Variants in ZBTB8A observed in about 807,000 individuals in gnomAD.
ZBTB8A encodes zinc finger and BTB domain containing 8A, also known as zinc finger and BTB domain-containing protein 8A.
A neutral mutation model predicts 37.8 loss-of-function variants in ZBTB8A; 19 were observed. That is an observed-to-expected ratio of 0.50 (90% CI 0.35 to 0.74). ZBTB8A has a LOEUF of 0.74. Among genes scored for constraint, ZBTB8A ranks in the 30% least tolerant of loss-of-function variants. The pLI, the probability that ZBTB8A is intolerant of heterozygous loss-of-function variation, is 0.01. For missense variants in ZBTB8A, 394 were observed against 537.8 expected (o/e 0.73, Z 2.65); for synonymous variants, 181 against 185.2 (o/e 0.98, Z 0.19).
chr1:32,552,877 ATTAATGATT>A (rs1219079616), intron 1 of ZBTB8A, among the ~76,000 whole-genome samples: 1 of 148,722 alleles, frequency 6.7e-6, no homozygotes, highest in Non-Finnish European at 1.5e-5. Flanking sequence ...TATTAATAAT[ATTAATGATT>A]TATTTATATT....
intron 2 of ZBTB8A, among the ~76,000 whole-genome samples, chr1:32,561,051 G>A (rs954682289): frequency 6.6e-6 from 1 of 151,836 alleles, no homozygotes; most frequent in Admixed American, 6.6e-5. Context: ...TCTCTCCTTT[G>A]CATAGAACCC....
rs751401974 is a variant in ZBTB8A at position 32,600,341 on chromosome 1, G to A, written c.1248G>A (p.Gly416=). The A allele has an allele frequency of 6.2e-7, 1 of 1,614,138 alleles. No homozygotes were observed. Among genetic ancestry groups the A allele is most frequent in the East Asian group, 2.2e-5 (1 of 44,882 alleles). Residue 416 remains glycine, a synonymous_variant, in exon 5 of 5, where the codon GGG becomes GGA. Coordinates refer to ENST00000373510, the MANE Select transcript of ZBTB8A (RefSeq NM_001040441.3). Reference sequence around the variant, plus strand: ...CCTATGTGGAGATTGTAGAAGATGGGTCTGCTGATCTGGTCATCCAACAGG... The same window carrying A: ...CCTATGTGGAGATTGTAGAAGATGGATCTGCTGATCTGGTCATCCAACAGG... ...NRSYVEIVED[G]SADLVIQQVD... is the part of the protein sequence containing the mutation.
chr1:32,567,814 A>AAAAAC lies in ZBTB8A; in HGVS notation c.-2+14278_-2+14279insCAAAA, dbSNP rs1557707663. 2.0e-4 allele frequency among the ~76,000 whole-genome samples: 6 copies of AAAAAC among 30,496 alleles called. 1 individual carries two copies. The highest frequency in any genetic ancestry group is 1.1e-3 in the East Asian group (1 of 950). 20.0% of individuals were successfully genotyped at this position (30,496 alleles called of 152,430 possible). A position where few individuals can be genotyped will look rare whatever the true frequency, so the allele number is the denominator to read the frequency against. On this transcript the variant is annotated intron_variant, in intron 2 of 4. Transcript: ENST00000373510. ...CTCAAAAAAAAAAAAAAAAAAAAAA[A>AAAAAC]AAAAAAAAACAAAAACAAAACAAAA...
At chr1:32,550,172 A>G (rs1644140363) in intron 1 of ZBTB8A, among the ~76,000 whole-genome samples, 2 of 152,006 alleles carry the variant, frequency 1.3e-5, no homozygotes, top group South Asian at 4.2e-4. Context: ...AGCCTGGGCA[A>G]TATATCGAGA....
Position 32,600,092 on chromosome 1 carries a change from C to T in ZBTB8A, c.999C>T (p.His333=), listed in dbSNP as rs1644564132. 2 of 1,610,704 alleles carry T rather than the reference C, an allele frequency of 1.2e-6. No individual in the cohort carries two copies. The highest frequency in any genetic ancestry group is 1.3e-5 in the African/African-American group (1 of 74,958). The change falls in exon 5 of 5, where the codon CAC becomes CAT. Residue 333 remains histidine, a synonymous_variant. Transcript: ENST00000373510. ...DHLSSHFRTI[H]QACKLICRKC... ...CTATTTAAATCTCTACACAGATTCA[C>T]CAGGCATGTAAACTCATCTGCAGAA...
At chr1:32,545,605 C>T (rs2148212023) in intron 1 of ZBTB8A, among the ~76,000 whole-genome samples, 1 of 152,262 alleles carries the variant, frequency 6.6e-6, no homozygotes. Context: ...GGAGGGGCTT[C>T]CAAGATCTAG....
intron 2 of ZBTB8A, 145 bp from the exon 3 acceptor site, chr1:32,592,786 G>T (rs982447598): frequency 5.6e-5 from 37 of 658,530 alleles, no homozygotes; most frequent in African/African-American, 9.1e-5. Context: ...GGGATTACAG[G>T]AGTGAGCCAC....
At chr1:32,594,959 TCTTTC>T in intron 3 of ZBTB8A, 90 bp from the exon 4 acceptor site, 2 of 1,191,678 alleles carry the variant, frequency 1.7e-6, no homozygotes, top group Non-Finnish European at 2.2e-6. Flanking sequence ...TTTATTTTTT[TCTTTC>T]CTTGTTTCCA....
At chr1:32,591,589 G>T (rs1392544375) in intron 2 of ZBTB8A, among the ~76,000 whole-genome samples, 1 of 152,026 alleles carries the variant, frequency 6.6e-6, no homozygotes, top group Non-Finnish European at 1.5e-5. Flanking sequence ...CAAATGTGTT[G>T]GTTCAGCATA....
intron 1 of ZBTB8A, among the ~76,000 whole-genome samples, chr1:32,547,828 C>CAAAA (rs1194254576): frequency 3.9e-4 from 12 of 30,464 alleles, no homozygotes; most frequent in African/African-American, 7.0e-4. Flanking sequence ...ACAAACAAAG[C>CAAAA]AAAAAAAAAA....
chr1:32,543,080 T>G (rs1032226003), intron 1 of ZBTB8A, among the ~76,000 whole-genome samples: 3 of 152,154 alleles, frequency 2.0e-5, no homozygotes, highest in African/African-American at 4.8e-5. Context: ...TCCTATTTTT[T>G]TTTTAGATAT....
At chr1:32,571,516 C>T (rs1644322343) in intron 2 of ZBTB8A, among the ~76,000 whole-genome samples, 1 of 151,914 alleles carries the variant, frequency 6.6e-6, no homozygotes, top group Admixed American at 6.6e-5. Flanking sequence ...TGTTAAACAT[C>T]TTGTATTCCA....
intron 4 of ZBTB8A, 71 bp from the exon 5 acceptor site, chr1:32,600,016 C>CTGT: frequency 8.1e-7 from 1 of 1,239,886 alleles, no homozygotes; most frequent in Non-Finnish European, 1.1e-6. Context: ...AGTTTATGAA[C>CTGT]TGGTACCTAA....
intron 2 of ZBTB8A, among the ~76,000 whole-genome samples, chr1:32,583,681 C>A (rs1269452783): frequency 6.6e-6 from 1 of 151,926 alleles, no homozygotes; most frequent in Non-Finnish European, 1.5e-5. Flanking sequence ...TAGGGTGGGC[C>A]CTTAATCCAG....
chr1:32,558,243 A>G (rs1401711032), intron 2 of ZBTB8A, among the ~76,000 whole-genome samples: 1 of 152,016 alleles, frequency 6.6e-6, no homozygotes, highest in East Asian at 1.9e-4. Flanking sequence ...TGAAAATCAA[A>G]CCTTAAACAA....
chr1:32,566,632 C>A (rs957289236), intron 2 of ZBTB8A, among the ~76,000 whole-genome samples: 1 of 152,326 alleles, frequency 6.6e-6, no homozygotes, highest in Middle Eastern at 3.4e-3. Flanking sequence ...TTAATCTATA[C>A]CTCATATGGT....
At position 32,585,831 on chromosome 1, in the gene ZBTB8A, C is replaced by T. The variant is rs189219464; in HGVS notation, c.-1-7100C>T. 9.5e-3 allele frequency among the ~76,000 whole-genome samples: 1,436 copies of T among 151,488 alleles called. 28 individuals are homozygous for T. The highest frequency in any genetic ancestry group is 0.033 in the African/African-American group (1,342 of 41,180). On this transcript the variant is annotated intron_variant, in intron 2 of 4. Coordinates refer to ENST00000373510, the MANE Select transcript of ZBTB8A (RefSeq NM_001040441.3). ...CAGACTGGCAAACATGGTGAAACCCCGTCTCTGCTAAAAATACAAAAATCA... is the reference window on the plus strand; with the variant it reads ...CAGACTGGCAAACATGGTGAAACCCTGTCTCTGCTAAAAATACAAAAATCA...
intron 3 of ZBTB8A, 85 bp downstream of exon 3, chr1:32,593,839 G>A: frequency 9.5e-7 from 1 of 1,056,602 alleles, no homozygotes; most frequent in Non-Finnish European, 1.4e-6. Flanking sequence ...CTTAGTTTCA[G>A]GTGCTCTAAG....
At chr1:32,573,774 T>C (rs1644340665) in intron 2 of ZBTB8A, among the ~76,000 whole-genome samples, 1 of 144,392 alleles carries the variant, frequency 6.9e-6, no homozygotes, top group African/African-American at 2.6e-5. Flanking sequence ...TATAAGAATT[T>C]AAAACTATAC....
Sources: allele counts gnomAD v4.1 joint callset (sites outside exome capture counted in the v4.1 genomes callset), GRCh38; gene constraint gnomAD v4.1.1; transcripts MANE v1.5; gene names NCBI Gene and HGNC (gene_info 2026-07-23, HGNC 2026-07-21).